Variants in ZFR2 observed in about 807,000 individuals in gnomAD.
The protein encoded by ZFR2 is zinc finger RNA-binding protein 2.
Under a neutral mutation model 105.7 loss-of-function variants are expected in ZFR2, and 104 were observed. The ratio of observed to expected loss-of-function variants is 0.98; its 90% confidence interval spans 0.84 to 1.16. The LOEUF (loss-of-function observed/expected upper bound fraction) is 1.16. ZFR2 is among the 50% of genes most tolerant of loss of function. The pLI is 0.00. For synonymous variants in ZFR2, 634 were observed against 597.7 expected (o/e 1.06, Z -0.89); for missense variants, 1,425 against 1,355.5 (o/e 1.05, Z -0.80).
At chr19:3,854,439 C>T (rs187302659) in intron 1 of ZFR2, among the ~76,000 whole-genome samples, 84 of 152,226 alleles carry the variant, frequency 5.5e-4, no homozygotes, top group African/African-American at 1.9e-3. Context: ...TACCACATAA[C>T]AGGCGCTTCA....
At position 3,825,740 on chromosome 19, in the gene ZFR2, AAGCCCC is replaced by A. The variant is rs141744660; in HGVS notation, c.1036-339_1036-334del. ...AGGTGGGGCCGTTTCTCAGCCTCCC[AAGCCCC>A]AGCCTAGTGCTCCCTGACTGCCCGG... On this transcript the variant is annotated intron_variant, in intron 6 of 18. Transcript: ENST00000262961. Among the ~76,000 whole-genome samples, 166 of 152,066 alleles carry A rather than the reference AAGCCCC, an allele frequency of 1.1e-3. 1 individual carries two copies. The highest frequency in any genetic ancestry group is 3.9e-3 in the African/African-American group (160 of 41,480).
intron 10 of ZFR2, 115 bp from the exon 11 acceptor site, chr19:3,820,405 T>G: frequency 3.0e-5 from 29 of 970,266 alleles, no homozygotes; most frequent in Middle Eastern, 2.8e-4. Context: ...GCCAAAGCTC[T>G]TGCTGGGGCT....
At chr19:3,842,548 A>G (rs1366260537) in intron 1 of ZFR2, among the ~76,000 whole-genome samples, 1 of 152,140 alleles carries the variant, frequency 6.6e-6, no homozygotes, top group Non-Finnish European at 1.5e-5. Flanking sequence ...TTAAAGTATA[A>G]AATGTAGTGG....
intron 1 of ZFR2, among the ~76,000 whole-genome samples, chr19:3,846,611 G>A (rs977123919): frequency 3.9e-5 from 6 of 152,174 alleles, no homozygotes; most frequent in Admixed American, 2.0e-4. Flanking sequence ...TTTAAAAAAA[G>A]ACTGTTTACT....
At chr19:3,821,973 A>C (rs2037899065) in intron 9 of ZFR2, 108 bp downstream of exon 9, 11 of 1,439,996 alleles carry the variant, frequency 7.6e-6, no homozygotes, top group Non-Finnish European at 7.3e-6. Flanking sequence ...CTCCCTCTTA[A>C]GTTCGTCGGA....
At chr19:3,808,723 T>A (rs2145130270) in intron 17 of ZFR2, 149 bp downstream of exon 17, 1 of 615,492 alleles carries the variant, frequency 1.6e-6, no homozygotes, top group Middle Eastern at 2.8e-4. Flanking sequence ...GCCTTCCTGC[T>A]GGGAGCATGT....
chr19:3,850,280 G>A (rs1166126932), intron 1 of ZFR2, among the ~76,000 whole-genome samples: 1 of 152,108 alleles, frequency 6.6e-6, no homozygotes. Flanking sequence ...TGGGAGAAAT[G>A]AGGAGTGCTG....
At chr19:3,835,490 CT>C (rs35786970) in intron 1 of ZFR2, among the ~76,000 whole-genome samples, 20,920 of 143,546 alleles carry the variant, frequency 0.15, 2,014 homozygotes, top group African/African-American at 0.27. Flanking sequence ...CACGCCCAGC[CT>C]TTTTTTTTTT....
In ZFR2 at chr19:3,816,774, A is replaced by G; in HGVS notation, c.2003T>C (p.Leu668Pro). The G allele has an allele frequency of 1.2e-6, 2 of 1,609,312 alleles. No homozygotes were observed. Among genetic ancestry groups the G allele is most frequent in the Non-Finnish European group, 1.7e-6 (2 of 1,178,606 alleles). ...RVGILAKGLL[L>P]RGDRNVRLAL... ...GAGGCGCACGTTCCTGTCCCCACGC[A>G]GGAGGAGGCCTTTCGCCAGGATGCC... Residue 668 changes from leucine to proline, a missense_variant, in exon 13 of 19, where the codon CTG (leucine) becomes CCG (proline). Transcript: ENST00000262961.
At chr19:3,812,753 A>C (rs940513065) in intron 14 of ZFR2, among the ~76,000 whole-genome samples, 1 of 151,852 alleles carries the variant, frequency 6.6e-6, no homozygotes, top group Non-Finnish European at 1.5e-5. Flanking sequence ...CAAGGCTCTT[A>C]TTAAAAAACA....
At chr19:3,821,523 A>G (rs2037892987) in intron 9 of ZFR2, 44 bp from the exon 10 acceptor site, 1 of 1,491,074 alleles carries the variant, frequency 6.7e-7, no homozygotes, top group East Asian at 2.5e-5. Flanking sequence ...ACCTTGCTTT[A>G]GACAGGGATG....
chr19:3,861,902 G>C (rs1321691007), intron 1 of ZFR2, among the ~76,000 whole-genome samples: 1 of 152,082 alleles, frequency 6.6e-6, no homozygotes, highest in Non-Finnish European at 1.5e-5. Flanking sequence ...CTCCAGCCTG[G>C]GCAACAGAGT....
chr19:3,833,426 A>G (rs2038041298), intron 3 of ZFR2: 1 of 378,098 alleles, frequency 2.6e-6, no homozygotes, highest in East Asian at 4.7e-5. Flanking sequence ...AATACAAAAA[A>G]TTAGCCGGGC....
chr19:3,813,690 G>C lies in ZFR2; in HGVS notation c.2242+130C>G, dbSNP rs981204251. ...CCATGGAATCCTCAGGGGGACAGCA[G>C]TGCTGGAGCGTGGCTGCTGTGGCAT... On this transcript the variant is annotated intron_variant, in intron 14 of 18. Coordinates refer to ENST00000262961, the MANE Select transcript of ZFR2 (RefSeq NM_015174.2). This position sits in a 1 kb window ranked among gnomAD's most constrained non-coding sequence, Gnocchi z 4.4. 21 of 1,338,166 alleles carry C rather than the reference G, an allele frequency of 1.6e-5. No homozygotes were observed. The African/African-American group carries it at 1.7e-4, about 11-fold the overall frequency. The allele number at this position is 1,338,166 out of a possible 1,614,324, so 82.9% of individuals were successfully genotyped here. A position where few individuals can be genotyped will look rare whatever the true frequency, so the allele number is the denominator to read the frequency against.
intron 1 of ZFR2, among the ~76,000 whole-genome samples, chr19:3,836,970 G>A (rs909250271): frequency 2.0e-5 from 3 of 152,174 alleles, no homozygotes; most frequent in Non-Finnish European, 4.4e-5. Flanking sequence ...AGCAAGGTAT[G>A]AGGGTCATTT....
rs143588135 is a variant in ZFR2 at position 3,837,690 on chromosome 19, G to A, written c.54-2707C>T. On this transcript the variant is annotated intron_variant, in intron 1 of 18. Transcript: ENST00000262961. ...GTGACACTCGATGAACACTGTGACC[G>A]TGACACTCAATGAACACCGTGACCA... Among the ~76,000 whole-genome samples the A allele has an allele frequency of 6.9e-4, 105 of 151,538 alleles. 1 individual carries two copies. The East Asian group carries it at 0.012, about 18-fold the overall frequency.
chr19:3,866,667 A>C (rs1022763855), intron 1 of ZFR2, among the ~76,000 whole-genome samples: 1 of 152,174 alleles, frequency 6.6e-6, no homozygotes, highest in Non-Finnish European at 1.5e-5. Flanking sequence ...GGAAGAATAC[A>C]ATGGAGAAAG....
intron 5 of ZFR2, among the ~76,000 whole-genome samples, chr19:3,829,000 T>C (rs949246230): frequency 4.0e-5 from 6 of 151,686 alleles, no homozygotes; most frequent in African/African-American, 9.7e-5. Flanking sequence ...CTTGCTCTGT[T>C]GCCCAGGCTG....
intron 17 of ZFR2, among the ~76,000 whole-genome samples, chr19:3,807,850 CGTGTGTGTGCATGCATGTGCCT>C (rs2037716933): frequency 6.9e-6 from 1 of 145,982 alleles, no homozygotes; most frequent in South Asian, 2.2e-4. Context: ...TGTGTGTGCC[CGTGTGTGTGCATGCATGTGCCT>C]GTGTGTGTGC....
Sources: gnomAD v4.1 joint callset for allele counts (sites outside exome capture counted in the v4.1 genomes callset) on GRCh38, gnomAD v4.1.1 for gene constraint, Gnocchi (gnomAD v3.1) non-coding constraint, MANE v1.5 for transcripts, NCBI Gene and HGNC (gene_info 2026-07-23, HGNC 2026-07-21) for gene names.